The following RP1 variants were observed in gnomAD, a reference collection of about 807,000 sequenced individuals.
RP1 encodes the protein oxygen-regulated protein 1.
A neutral mutation model predicts 14.8 loss-of-function variants in RP1; 16 were observed. The observed-to-expected ratio is 1.08, with a 90% confidence interval of 0.73 to 1.65. The LOEUF is 1.65. Ranked by LOEUF, RP1 falls within the 40% of genes most tolerant of loss-of-function variation. The pLI, the probability that RP1 is intolerant of heterozygous loss-of-function variation, is 0.00. For missense variants in RP1, 2,631 were observed against 2,535.0 expected, an observed-to-expected ratio of 1.04 and a Z score of -0.81; for synonymous variants, 876 against 883.6, an observed-to-expected ratio of 0.99 and a Z score of 0.15.
intron 18 of RP1, chr8:54,738,873 A>C (rs1294418805): frequency 3.9e-6 from 4 of 1,016,276 alleles, no homozygotes; most frequent in Non-Finnish European, 2.8e-6. Context: ...TAGTGTAAAA[A>C]GAAAGAATTT....
chr8:54,740,965 G>T (rs1023950310), intron 19 of RP1, among the ~76,000 whole-genome samples: 1 of 151,684 alleles, frequency 6.6e-6, no homozygotes, highest in Admixed American at 6.6e-5. Flanking sequence ...GAACCCCAGA[G>T]GCAGAGGTTG....
At chr8:54,662,457 C>A (rs76177379) in intron 6 of RP1, among the ~76,000 whole-genome samples, 2 of 152,284 alleles carry the variant, frequency 1.3e-5, no homozygotes, top group East Asian at 3.9e-4. Context: ...GAAGACCCTA[C>A]TGAAGCCCAG....
downstream of RP1, among the ~76,000 whole-genome samples, chr8:54,631,612 T>G (rs577556024): frequency 1.3e-5 from 2 of 151,776 alleles, no homozygotes; most frequent in South Asian, 2.1e-4. Flanking sequence ...TACAGTAGGG[T>G]ATCATGCCAG....
chr8:54,792,103 G>A (rs572126558), intron 24 of RP1, among the ~76,000 whole-genome samples: 12 of 151,976 alleles, frequency 7.9e-5, no homozygotes, highest in African/African-American at 2.9e-4. Flanking sequence ...TGTCACAAGA[G>A]ACTAAGAAGA....
chr8:54,686,534 G>A (rs1313322693), intron 12 of RP1, among the ~76,000 whole-genome samples: 1 of 152,064 alleles, frequency 6.6e-6, no homozygotes, highest in Non-Finnish European at 1.5e-5. Context: ...ATGCCTAAAA[G>A]CAGACACACA....
At chr8:54,824,843 G>C (rs1415030999) in intron 24 of RP1, among the ~76,000 whole-genome samples, 2 of 152,142 alleles carry the variant, frequency 1.3e-5, no homozygotes, top group African/African-American at 4.8e-5. Context: ...TGCAGAAGTA[G>C]CATTTGACAA....
rs1280834449 is a variant in RP1 at position 54,627,535 on chromosome 8, A to G, written c.3653A>G (p.Gln1218Arg). 1 of 1,614,192 alleles carries G rather than the reference A, an allele frequency of 6.2e-7. No individual in the cohort carries two copies. The highest frequency in any genetic ancestry group is 2.2e-5 in the East Asian group (1 of 44,890). Residue 1218 changes from glutamine (Q) to arginine (R), a missense_variant, in exon 4 of 4, where the codon CAG becomes CGG. Physicochemically the swap from Gln to Arg is conservative, Grantham distance 43. Coordinates refer to ENST00000220676, the MANE Select transcript of RP1 (RefSeq NM_006269.2). ...GCAAATTGTTCCACGGTCAACATTC[A>G]GAGTGTTCCTAAGTGCAGTGAAAAT... ...LSANCSTVNI[Q>R]SVPKCSENER...
chr8:54,721,568 G>C (rs112253215), intron 16 of RP1, among the ~76,000 whole-genome samples: 1 of 152,178 alleles, frequency 6.6e-6, no homozygotes, highest in African/African-American at 2.4e-5. Context: ...CAAGACATAA[G>C]AGAGAAATAA....
chr8:54,798,109 G>A (rs769138460), intron 24 of RP1, among the ~76,000 whole-genome samples: 5 of 152,056 alleles, frequency 3.3e-5, no homozygotes, highest in Non-Finnish European at 5.9e-5. Flanking sequence ...CGCCTCCTGG[G>A]CTCAAGTGAT....
chr8:54,858,488 T>TCC (rs2129327604), intron 27 of RP1, among the ~76,000 whole-genome samples: 1 of 152,060 alleles, frequency 6.6e-6, no homozygotes, highest in African/African-American at 2.4e-5. Context: ...AGAGTGATGT[T>TCC]ACTGCAGAGT....
chr8:54,867,380 G>C (rs1397403237), intron 28 of RP1, among the ~76,000 whole-genome samples: 1 of 152,116 alleles, frequency 6.6e-6, no homozygotes, highest in Non-Finnish European at 1.5e-5. Flanking sequence ...TCAAGCTCTA[G>C]GAAGAGACCT....
At chr8:54,610,661 T>G (rs577421052) in intron 1 of RP1, among the ~76,000 whole-genome samples, 1 of 152,336 alleles carries the variant, frequency 6.6e-6, no homozygotes, top group East Asian at 1.9e-4. Context: ...CCAGATGTAC[T>G]GGACAAAAAT....
chr8:54,787,822 A>G (rs1298626826), intron 24 of RP1, among the ~76,000 whole-genome samples: 1 of 152,186 alleles, frequency 6.6e-6, no homozygotes, highest in African/African-American at 2.4e-5. Flanking sequence ...TTGCCTTTGT[A>G]AAAACAATTT....
rs1326965935 is a variant in RP1 at position 54,627,347 on chromosome 8, C to T, written c.3465C>T (p.Asn1155=). ...AAGTTGATGCTCACAAGGCTACCAA[C>T]AAATCTTCAGAAACACTTGCATTGT... ...FCQVDAHKAT[N]KSSETLALLE... is the part of the protein sequence containing the mutation. The change falls in exon 4 of 4, where the codon AAC becomes AAT. Residue 1155 remains asparagine, a synonymous_variant. Coordinates refer to ENST00000220676, the MANE Select transcript of RP1 (RefSeq NM_006269.2). The T allele has an allele frequency of 1.2e-6, 2 of 1,614,150 alleles. No individual in the cohort carries two copies. Among genetic ancestry groups the T allele is most frequent in the South Asian group, 1.1e-5 (1 of 91,088 alleles).
chr8:54,795,407 A>G (rs1810556864), intron 24 of RP1, among the ~76,000 whole-genome samples: 1 of 152,258 alleles, frequency 6.6e-6, no homozygotes, highest in African/African-American at 2.4e-5. Flanking sequence ...GGTGCAGAAT[A>G]TACTATGGAA....
downstream of RP1, among the ~76,000 whole-genome samples, chr8:54,771,974 C>T (rs1809920821): frequency 6.6e-6 from 1 of 151,870 alleles, no homozygotes; most frequent in Admixed American, 6.6e-5. Flanking sequence ...GACCAAAATG[C>T]TATTTAAATT....
intron 14 of RP1, among the ~76,000 whole-genome samples, chr8:54,703,026 C>T (rs911439436): frequency 2.6e-5 from 4 of 152,198 alleles, no homozygotes; most frequent in Admixed American, 1.3e-4. Context: ...ATTTCCTCCT[C>T]CAAAGTCTTG....
At chr8:54,798,053 G>A (rs1416194919) in intron 24 of RP1, among the ~76,000 whole-genome samples, 4 of 152,032 alleles carry the variant, frequency 2.6e-5, no homozygotes, top group African/African-American at 9.7e-5. Flanking sequence ...TTACTCTGTA[G>A]CTCAAGCTGG....
At chr8:54,683,921 T>C (rs1807492401) in intron 12 of RP1, among the ~76,000 whole-genome samples, 1 of 151,982 alleles carries the variant, frequency 6.6e-6, no homozygotes, top group African/African-American at 2.4e-5. Context: ...CTCAGTATGG[T>C]AGTGGCTGTG....
Sources: gnomAD v4.1 joint callset for allele counts (sites outside exome capture counted in the v4.1 genomes callset) on GRCh38, gnomAD v4.1.1 for gene constraint, MANE v1.5 for transcripts, NCBI Gene and HGNC (gene_info 2026-07-23, HGNC 2026-07-21) for gene names.